Variants in PKHD1L1 observed in about 807,000 individuals in gnomAD.
PKHD1L1 encodes the protein PKHD1 like 1.
A neutral mutation model predicts 462.9 loss-of-function variants in PKHD1L1; 434 were observed. The ratio of observed to expected loss-of-function variants is 0.94; its 90% confidence interval spans 0.87 to 1.02. PKHD1L1 has a LOEUF of 1.02. Ranked by LOEUF, PKHD1L1 falls within the 50% of genes least tolerant of loss-of-function variation. PKHD1L1 has a pLI of 0.00. For missense variants in PKHD1L1, 5,202 were observed against 5,096.1 expected (o/e 1.02, Z -0.63); for synonymous variants, 1,781 against 1,750.0 (o/e 1.02, Z -0.44).
chr8:109,442,995 C>T lies in PKHD1L1; in HGVS notation c.4443C>T (p.Ser1481=), dbSNP rs763983259. 63 of 1,613,312 alleles carry T rather than the reference C, an allele frequency of 3.9e-5. No homozygotes were observed. The highest frequency in any genetic ancestry group is 2.2e-4 in the East Asian group (10 of 44,890). The part of the protein sequence containing the change: ...FTSPGIHYYS[S]GYVDEAHSIF... ...CTCCTGGAATCCATTATTATAGCAGCGGGTATGTTGATGAGGCTCACTCCA... is the reference window on the plus strand; with the variant it reads ...CTCCTGGAATCCATTATTATAGCAGTGGGTATGTTGATGAGGCTCACTCCA... The change falls in exon 36 of 78, where the codon AGC becomes AGT. Residue 1481 remains serine, a synonymous_variant. Coordinates refer to ENST00000378402, the MANE Select transcript of PKHD1L1 (RefSeq NM_177531.6).
intron 47 of PKHD1L1, among the ~76,000 whole-genome samples, 181 bp downstream of exon 47, chr8:109,460,017 T>C (rs1817032782): frequency 6.6e-6 from 1 of 151,898 alleles, no homozygotes; most frequent in Admixed American, 6.6e-5. Flanking sequence ...AATGTGGAAA[T>C]TTGGAAATGC....
chr8:109,424,932 G>A (rs939142167), intron 23 of PKHD1L1, among the ~76,000 whole-genome samples, 153 bp from the exon 24 acceptor site: 5 of 152,118 alleles, frequency 3.3e-5, no homozygotes, highest in African/African-American at 1.2e-4. Flanking sequence ...TATGGCCTGT[G>A]TTGATTTATG....
intron 65 of PKHD1L1, among the ~76,000 whole-genome samples, 163 bp downstream of exon 65, chr8:109,497,435 T>C (rs796583135): frequency 6.8e-6 from 1 of 147,278 alleles, no homozygotes; most frequent in African/African-American, 2.5e-5. Flanking sequence ...CCGTTCTTTT[T>C]TTTTTTTTTT....
chr8:109,493,560 A>G, intron 62 of PKHD1L1, 101 bp from the exon 63 acceptor site: 5 of 591,696 alleles, frequency 8.5e-6, no homozygotes, highest in Non-Finnish European at 1.3e-5. Context: ...ATGTAGTCAT[A>G]ATTAAAGGTT....
At position 109,464,330 on chromosome 8, in the gene PKHD1L1, A is replaced by G. The variant is rs1817299421; in HGVS notation, c.7498A>G (p.Asn2500Asp). The change falls in exon 49 of 78, where the codon AAC (asparagine) becomes GAC (aspartate). Residue 2500 changes from asparagine to aspartate, a missense_variant. This residue lies in a region of PKHD1L1 where 4,497 missense variants were observed against 4,336.8 expected (regional missense o/e 1.04). Coordinates refer to ENST00000378402, the MANE Select transcript of PKHD1L1 (RefSeq NM_177531.6). ...VRGCAIHQAY[N>D]RAVTIHNTHH... ...AGGCTGTGCAATTCACCAGGCCTAT[A>G]ACAGAGCTGTTACTATTCATAACAC... 6.2e-7 allele frequency: 1 copy of G among 1,613,234 alleles called. No individual in the cohort carries two copies. The highest frequency in any genetic ancestry group is 8.5e-7 in the Non-Finnish European group (1 of 1,179,598).
At chr8:109,375,477 T>G (rs1235029404) in intron 2 of PKHD1L1, among the ~76,000 whole-genome samples, 3 of 152,168 alleles carry the variant, frequency 2.0e-5, no homozygotes, top group African/African-American at 7.2e-5. Context: ...TGGTTTGATC[T>G]TCTGAAGCCT....
chr8:109,383,167 T>A (rs529111416), intron 4 of PKHD1L1, among the ~76,000 whole-genome samples: 982 of 90,094 alleles, frequency 0.011, 20 homozygotes, highest in African/African-American at 0.043. Flanking sequence ...TTATATATAA[T>A]ATATACAATA....
chr8:109,475,387 T>A, intron 51 of PKHD1L1, 118 bp downstream of exon 51: 1 of 877,508 alleles, frequency 1.1e-6, no homozygotes. Flanking sequence ...AATTGAGCTA[T>A]TGAAATCCTG....
At chr8:109,446,033 C>A (rs957674477) in intron 38 of PKHD1L1, among the ~76,000 whole-genome samples, 11 of 152,086 alleles carry the variant, frequency 7.2e-5, no homozygotes, top group Non-Finnish European at 5.9e-5. Flanking sequence ...TTTCAGAGTA[C>A]CTTATTTCCA....
chr8:109,512,661 A>G (rs1462473752), intron 71 of PKHD1L1, among the ~76,000 whole-genome samples: 2 of 151,946 alleles, frequency 1.3e-5, no homozygotes, highest in East Asian at 3.9e-4. Context: ...TTGGCTTAGG[A>G]TTGACTTGGC....
At chr8:109,503,576 G>C (rs897302257) in intron 67 of PKHD1L1, among the ~76,000 whole-genome samples, 11 of 152,138 alleles carry the variant, frequency 7.2e-5, no homozygotes, top group Non-Finnish European at 1.2e-4. Context: ...TTGCTTTTCT[G>C]TTTAGAGTTA....
At chr8:109,381,290 G>C (rs1812099854) in intron 2 of PKHD1L1, 80 bp from the exon 3 acceptor site, 1 of 1,157,808 alleles carries the variant, frequency 8.6e-7, no homozygotes. Context: ...TTTACTGCAT[G>C]ATTTGATACT....
chr8:109,400,915 T>G (rs1412561776), intron 13 of PKHD1L1, among the ~76,000 whole-genome samples: 1 of 152,124 alleles, frequency 6.6e-6, no homozygotes, highest in African/African-American at 2.4e-5. Context: ...AAGTAACATT[T>G]TATGACTCAA....
chr8:109,479,099 C>A (rs902681032), intron 53 of PKHD1L1, among the ~76,000 whole-genome samples: 6 of 152,150 alleles, frequency 3.9e-5, no homozygotes, highest in Non-Finnish European at 7.4e-5. Context: ...GCATATTTTC[C>A]AGTGGGAAAA....
At chr8:109,442,850 T>C in intron 35 of PKHD1L1, 96 bp from the exon 36 acceptor site, 2 of 1,151,540 alleles carry the variant, frequency 1.7e-6, no homozygotes, top group Non-Finnish European at 2.5e-6. Context: ...GTCATCTGTA[T>C]GTGCATTTAA....
intron 77 of PKHD1L1, among the ~76,000 whole-genome samples, chr8:109,527,466 T>G (rs1238944100): frequency 6.6e-6 from 1 of 152,198 alleles, no homozygotes; most frequent in Non-Finnish European, 1.5e-5. Context: ...ATCCCACCAC[T>G]GCACTCCAGC....
chr8:109,383,157 T>TTATATTATATATAAA (rs1812228026), intron 4 of PKHD1L1, among the ~76,000 whole-genome samples: 1 of 100,940 alleles, frequency 9.9e-6, no homozygotes, highest in African/African-American at 4.1e-5. Context: ...TTATATATAT[T>TTATATTATATATAAA]TATATATAAT....
chr8:109,509,163 G>T (rs1264391163), intron 70 of PKHD1L1, among the ~76,000 whole-genome samples: 1 of 151,928 alleles, frequency 6.6e-6, no homozygotes, highest in Non-Finnish European at 1.5e-5. Flanking sequence ...ATGATTTTAG[G>T]ACTCTCCTCA....
rs377611613 is a variant in PKHD1L1, at chr8:109,508,358, C to G, written c.11395+94C>G. On this transcript the variant is annotated intron_variant, in intron 70 of 77. Transcript: ENST00000378402. ...CTCATAAATTATTTACCCCACACAA[C>G]TAGCAAACATCAGGCCTTGTTTGCC... 24 of 1,304,066 alleles carry G rather than the reference C, an allele frequency of 1.8e-5. No homozygotes were observed. The Middle Eastern group carries it at 1.3e-3, about 68-fold the overall frequency. 80.8% of individuals were successfully genotyped at this position (1,304,066 alleles called of 1,614,324 possible). A position where few individuals can be genotyped will look rare whatever the true frequency, so the allele number is the denominator to read the frequency against.
Sources: gnomAD v4.1 joint callset for allele counts (sites outside exome capture counted in the v4.1 genomes callset) on GRCh38, gnomAD v4.1.1 for gene constraint, gnomAD v4.1.1 regional missense constraint, MANE v1.5 for transcripts, NCBI Gene and HGNC (gene_info 2026-07-23, HGNC 2026-07-21) for gene names.